CDIN1: variants seen among roughly 807,000 people sequenced by gnomAD.
The protein encoded by CDIN1 is CDAN1-interacting nuclease 1.
Under a neutral mutation model 45.3 loss-of-function variants are expected in CDIN1, and 33 were observed. The ratio of observed to expected loss-of-function variants is 0.73; its 90% CI spans 0.55 to 0.97. CDIN1 has a LOEUF of 0.97. CDIN1 is among the 50% of genes least tolerant of loss of function. CDIN1 has a pLI of 0.00. For missense variants in CDIN1, 303 were observed against 339.4 expected (o/e 0.89, Z 0.84); for synonymous variants, 118 against 124.4 (o/e 0.95, Z 0.34).
intron 10 of CDIN1, among the ~76,000 whole-genome samples, chr15:36,758,911 G>A (rs1249466856): frequency 6.6e-6 from 1 of 152,086 alleles, no homozygotes; most frequent in Non-Finnish European, 1.5e-5. Context: ...AATGCCCTAA[G>A]CAACAGTTCA....
Position 36,737,326 on chromosome 15 carries a change from T to C in CDIN1, c.716+27365T>C, listed in dbSNP as rs185803030. Among the ~76,000 whole-genome samples the C allele has an allele frequency of 2.6e-5, 4 of 152,266 alleles. No individual in the cohort carries two copies. In the East Asian group the frequency reaches 7.7e-4, roughly 29 times the overall value. On this transcript the variant is annotated intron_variant, in intron 10 of 10. Transcript: ENST00000566621. ...AGTGATTCATCTAGAATCTAGACTATAGGTAACAAATATTGCATTTGAGGC... is the reference window on the plus strand; with the variant it reads ...AGTGATTCATCTAGAATCTAGACTACAGGTAACAAATATTGCATTTGAGGC...
At chr15:36,722,410 C>T (rs1412656166) in intron 10 of CDIN1, among the ~76,000 whole-genome samples, 1 of 151,108 alleles carries the variant, frequency 6.6e-6, no homozygotes, top group African/African-American at 2.4e-5. Context: ...TCATTTACAA[C>T]TTTATGCCCA....
At chr15:36,718,054 A>C (rs2043276209) in intron 10 of CDIN1, among the ~76,000 whole-genome samples, 1 of 151,858 alleles carries the variant, frequency 6.6e-6, no homozygotes, top group Non-Finnish European at 1.5e-5. Context: ...GTGCATTTTT[A>C]TTTTATATTT....
At chr15:36,789,959 C>G (rs1385349417) in intron 10 of CDIN1, among the ~76,000 whole-genome samples, 1 of 152,056 alleles carries the variant, frequency 6.6e-6, no homozygotes, top group South Asian at 2.1e-4. Flanking sequence ...AATGCTTGGT[C>G]CATAAATAAG....
intron 5 of CDIN1, among the ~76,000 whole-genome samples, chr15:36,658,727 C>T (rs2040875652): frequency 1.3e-5 from 2 of 152,188 alleles, no homozygotes; most frequent in South Asian, 4.1e-4. Context: ...AATCTTCCCT[C>T]TTTGAAAGTA....
intron 1 of CDIN1, among the ~76,000 whole-genome samples, chr15:36,597,680 G>A (rs189701146): frequency 1.2e-3 from 183 of 152,238 alleles, no homozygotes; most frequent in Middle Eastern, 0.01. Context: ...AGAACCTTCA[G>A]TATTTTTACA....
At chr15:36,759,817 G>A (rs538879360) in intron 10 of CDIN1, among the ~76,000 whole-genome samples, 4 of 152,280 alleles carry the variant, frequency 2.6e-5, no homozygotes, top group Admixed American at 2.0e-4. Flanking sequence ...GCAGGAGAGA[G>A]CAAACGGGGA....
intron 7 of CDIN1, among the ~76,000 whole-genome samples, chr15:36,696,233 G>T (rs1004900006): frequency 3.3e-5 from 5 of 152,160 alleles, no homozygotes; most frequent in Non-Finnish European, 5.9e-5. Flanking sequence ...TTAGATACAT[G>T]TACATGCATA....
At chr15:36,681,906 G>T (rs1208949798) in intron 5 of CDIN1, among the ~76,000 whole-genome samples, 2 of 152,116 alleles carry the variant, frequency 1.3e-5, no homozygotes, top group Non-Finnish European at 2.9e-5. Flanking sequence ...AAATGCTTCA[G>T]TAACAAGGAT....
intron 10 of CDIN1, among the ~76,000 whole-genome samples, chr15:36,770,376 G>T (rs1002220494): frequency 6.6e-6 from 1 of 151,804 alleles, no homozygotes; most frequent in Non-Finnish European, 1.5e-5. Context: ...GAGAAAAGGA[G>T]AGGGGAGAGG....
chr15:36,646,667 A>T (rs1159662422), intron 3 of CDIN1, among the ~76,000 whole-genome samples: 2 of 344 alleles, frequency 5.8e-3, no homozygotes, highest in African/African-American at 0.012. Flanking sequence ...TTTACATGCC[A>T]AAAAATACAT....
Position 36,657,826 on chromosome 15 carries a change from T to C in CDIN1, c.274-7T>C, listed in dbSNP as rs760095205. On this transcript the variant is annotated splice_region_variant and splice_polypyrimidine_tract_variant and intron_variant, in intron 4 of 10. Transcript: ENST00000566621. ...TAGTTTTAATTTTCTACTTCTGTTT[T>C]ATAAAGGTGGACTATGCGCCCTCAT... 8.1e-6 allele frequency: 13 copies of C among 1,607,460 alleles called. No homozygotes were observed. Among genetic ancestry groups the C allele is most frequent in the South Asian group, 2.2e-5 (2 of 89,542 alleles).
At chr15:36,729,975 C>T (rs572082048) in intron 10 of CDIN1, among the ~76,000 whole-genome samples, 37 of 152,196 alleles carry the variant, frequency 2.4e-4, no homozygotes, top group Non-Finnish European at 4.6e-4. Context: ...TAAACTTTAG[C>T]TTTATTTCAA....
intron 3 of CDIN1, among the ~76,000 whole-genome samples, chr15:36,645,765 A>G (rs2040301946): frequency 1.3e-5 from 2 of 152,162 alleles, no homozygotes; most frequent in African/African-American, 4.8e-5. Context: ...CCATTTTAGA[A>G]ATGAAAAAAG....
intron 1 of CDIN1, among the ~76,000 whole-genome samples, chr15:36,622,663 C>T (rs1359105544): frequency 1.3e-5 from 2 of 152,170 alleles, no homozygotes; most frequent in Non-Finnish European, 2.9e-5. Flanking sequence ...TGGGACTTAT[C>T]CTTGGATGCC....
chr15:36,662,782 CAT>C (rs1052697367), intron 5 of CDIN1, among the ~76,000 whole-genome samples: 5 of 150,536 alleles, frequency 3.3e-5, no homozygotes, highest in East Asian at 1.9e-4. Flanking sequence ...TGGAATGTAT[CAT>C]GTGTGTACGT....
chr15:36,701,314 GC>G (rs369540469), intron 8 of CDIN1, among the ~76,000 whole-genome samples: 4 of 152,050 alleles, frequency 2.6e-5, no homozygotes, highest in African/African-American at 9.7e-5. Context: ...TTCACTCTTA[GC>G]AGACAAAATA....
chr15:36,681,278 G>A (rs1190713351), intron 5 of CDIN1, among the ~76,000 whole-genome samples: 4 of 152,122 alleles, frequency 2.6e-5, no homozygotes, highest in African/African-American at 9.7e-5. Context: ...TTAGCTGAGT[G>A]ATGTATTAGA....
Position 36,668,663 on chromosome 15 carries a change from G to T in CDIN1, c.346+10758G>T, listed in dbSNP as rs148034547. ...TGCATTGTTTAGATATTGCCCAAGT[G>T]TTTAGCATCTCTTACTGTCATAAAA... On this transcript the variant is annotated intron_variant, in intron 5 of 10. Transcript: ENST00000566621. Among the ~76,000 whole-genome samples, 1,110 of 152,166 alleles carry T rather than the reference G, an allele frequency of 7.3e-3. 11 individuals carry two copies. Among genetic ancestry groups the T allele is most frequent in the African/African-American group, 0.025 (1,048 of 41,530 alleles).
Sources: allele counts gnomAD v4.1 joint callset (sites outside exome capture counted in the v4.1 genomes callset), GRCh38; gene constraint gnomAD v4.1.1; transcripts MANE v1.5; gene names NCBI Gene and HGNC (gene_info 2026-07-23, HGNC 2026-07-21).